Variants in SLC25A26 observed in about 807,000 individuals in gnomAD.
SLC25A26 encodes solute carrier family 25 member 26.
In SLC25A26, 36 loss-of-function variants were observed where a neutral mutation model predicts 37.8. The observed-to-expected ratio is 0.95, with a 90% CI of 0.73 to 1.26. The LOEUF (loss-of-function observed/expected upper bound fraction) is 1.26. Among genes scored for constraint, SLC25A26 ranks in the 50% most tolerant of loss-of-function variants. The pLI is 0.00. For synonymous variants in SLC25A26, 129 were observed against 122.5 expected (o/e 1.05, Z -0.35); for missense variants, 390 against 331.1 (o/e 1.18, Z -1.38).
intron 2 of SLC25A26, among the ~76,000 whole-genome samples, chr3:66,242,380 G>A (rs1297031596): frequency 6.6e-6 from 1 of 152,234 alleles, no homozygotes; most frequent in African/African-American, 2.4e-5. Flanking sequence ...CATGGACAGA[G>A]TGCCTCTTCA....
At chr3:66,135,771 T>C (rs541052289) in intron 1 of SLC25A26, among the ~76,000 whole-genome samples, 18 of 151,874 alleles carry the variant, frequency 1.2e-4, no homozygotes, top group Non-Finnish European at 2.1e-4. Context: ...CCTGTCTCAA[T>C]AAAAAAATAA....
chr3:66,265,276 C>T (rs1460001974), intron 5 of SLC25A26, among the ~76,000 whole-genome samples: 2 of 151,820 alleles, frequency 1.3e-5, no homozygotes, highest in African/African-American at 2.4e-5. Flanking sequence ...CACTGCACTC[C>T]AGCCTGGGTG....
chr3:66,152,693 G>A (rs932059414), intron 1 of SLC25A26, among the ~76,000 whole-genome samples: 10 of 152,126 alleles, frequency 6.6e-5, no homozygotes, highest in African/African-American at 2.4e-4. Flanking sequence ...TCTGGGGTAG[G>A]GTGGGAGGGA....
intron 1 of SLC25A26, among the ~76,000 whole-genome samples, chr3:66,183,271 C>G (rs1047183224): frequency 1.3e-5 from 2 of 151,962 alleles, no homozygotes; most frequent in Admixed American, 1.3e-4. Flanking sequence ...CAGGACATGA[C>G]CTTGTCCTTC....
At chr3:66,349,669 A>T (rs545967568) in intron 6 of SLC25A26, among the ~76,000 whole-genome samples, 1 of 152,190 alleles carries the variant, frequency 6.6e-6, no homozygotes, top group Non-Finnish European at 1.5e-5. Context: ...GTATTTGCAT[A>T]TAGTATTGGT....
chr3:66,326,782 A>G (rs946993454), intron 5 of SLC25A26, among the ~76,000 whole-genome samples: 6 of 152,196 alleles, frequency 3.9e-5, no homozygotes, highest in Non-Finnish European at 7.3e-5. Flanking sequence ...AGAAGCCTCC[A>G]GCGGAAAAAG....
intron 1 of SLC25A26, among the ~76,000 whole-genome samples, chr3:66,163,131 G>C (rs995922068): frequency 3.3e-5 from 5 of 152,144 alleles, no homozygotes; most frequent in African/African-American, 9.7e-5. Context: ...CTCTTTTAAA[G>C]AGGAAAAAAG....
At chr3:66,223,771 A>G (rs2071608854) in intron 1 of SLC25A26, among the ~76,000 whole-genome samples, 1 of 152,206 alleles carries the variant, frequency 6.6e-6, no homozygotes, top group Non-Finnish European at 1.5e-5. Flanking sequence ...AGAGGATTGA[A>G]TAAGTGGAGA....
chr3:66,356,028 T>C (rs1256548617), intron 6 of SLC25A26: 1 of 456,286 alleles, frequency 2.2e-6, no homozygotes, highest in Non-Finnish European at 4.4e-6. Context: ...CATCATCTTG[T>C]AGGGTTGGAA....
chr3:66,220,389 C>T (rs781853669), upstream of SLC25A26, among the ~76,000 whole-genome samples: 1 of 152,140 alleles, frequency 6.6e-6, no homozygotes, highest in Non-Finnish European at 1.5e-5. Flanking sequence ...TTATTAAGTA[C>T]TTAATAACGT....
At chr3:66,371,326 G>A (rs770163718) in intron 9 of SLC25A26, 111 of 1,549,128 alleles carry the variant, frequency 7.2e-5, no homozygotes, top group Non-Finnish European at 8.9e-5. Flanking sequence ...TCCTGATGCC[G>A]AGTTGGATCA....
At chr3:66,300,153 C>G (rs2075030135) in intron 5 of SLC25A26, among the ~76,000 whole-genome samples, 1 of 150,998 alleles carries the variant, frequency 6.6e-6, no homozygotes, top group South Asian at 2.1e-4. Context: ...GCTGATAAGT[C>G]TTTTGAACTT....
Position 66,154,720 on chromosome 3 carries a change from G to A in SLC25A26, c.-354+20736G>A, listed in dbSNP as rs1042686658. On this transcript the variant is annotated intron_variant, in intron 1 of 10. Transcript: ENST00000676754. ...CTCATCTCAAACTGCTGGCTCAAGC[G>A]ATCCACCCGCCACGGCCTCCCAAAG... 4.6e-5 allele frequency among the ~76,000 whole-genome samples: 7 copies of A among 152,028 alleles called. No individual in the cohort carries two copies. The East Asian group carries it at 5.8e-4, about 13-fold the overall frequency.
At chr3:66,356,131 A>C in intron 6 of SLC25A26, 1 of 456,020 alleles carries the variant, frequency 2.2e-6, no homozygotes, top group Non-Finnish European at 4.4e-6. Flanking sequence ...TCAGTGTGTT[A>C]TTCATAAGAC....
At position 66,221,066 on chromosome 3, in the gene SLC25A26, A is replaced by G; in HGVS notation, c.-29A>G. 6.5e-7 allele frequency: 1 copy of G among 1,535,306 alleles called. No homozygotes were observed. The highest frequency in any genetic ancestry group is 8.7e-7 in the Non-Finnish European group (1 of 1,145,932). On this transcript the variant is annotated 5_prime_UTR_variant, in exon 1 of 10. Coordinates refer to ENST00000354883, the MANE Select transcript of SLC25A26 (RefSeq NM_001379210.1). ...GTGATCCGCTTCTGCTCCGGCTTGG[A>G]TTGTAGCCTTGACGAGGTCTGAGCG...
At chr3:66,321,075 TGA>T (rs2075681114) in intron 5 of SLC25A26, among the ~76,000 whole-genome samples, 1 of 152,064 alleles carries the variant, frequency 6.6e-6, no homozygotes, top group African/African-American at 2.4e-5. Flanking sequence ...AAAAAACACC[TGA>T]GAGAGAAAGA....
chr3:66,374,062 TCA>T (rs1008275300), intron 9 of SLC25A26, among the ~76,000 whole-genome samples: 1 of 152,232 alleles, frequency 6.6e-6, no homozygotes, highest in African/African-American at 2.4e-5. Flanking sequence ...TTGACCATTT[TCA>T]GTTTTCTTCC....
intron 5 of SLC25A26, among the ~76,000 whole-genome samples, chr3:66,297,328 C>CAA (rs34315256): frequency 1.0e-4 from 11 of 106,400 alleles, no homozygotes; most frequent in African/African-American, 3.3e-4. Flanking sequence ...AACTCCATCT[C>CAA]AAAAAAAAAA....
At chr3:66,365,808 C>T (rs371081852) in intron 7 of SLC25A26, among the ~76,000 whole-genome samples, 4 of 152,318 alleles carry the variant, frequency 2.6e-5, no homozygotes, top group African/African-American at 9.6e-5. Context: ...CTGGAGGTCA[C>T]GCACATAAGA....
Sources: gnomAD v4.1 joint callset for allele counts (sites outside exome capture counted in the v4.1 genomes callset) on GRCh38, gnomAD v4.1.1 for gene constraint, MANE v1.5 for transcripts, NCBI Gene and HGNC (gene_info 2026-07-23, HGNC 2026-07-21) for gene names.